Variants in PTPRD observed in about 807,000 individuals in gnomAD.
PTPRD encodes the protein receptor-type tyrosine-protein phosphatase delta.
PTPRD carries 34 observed loss-of-function variants against 214.5 expected under a neutral mutation model. The ratio of observed to expected loss-of-function variants is 0.16; its 90% confidence interval spans 0.12 to 0.21. The LOEUF (loss-of-function observed/expected upper bound fraction) is 0.21, where lower values mean the gene tolerates loss of function less well. Among genes scored for constraint, PTPRD ranks in the 10% least tolerant of loss-of-function variants. The probability of loss-of-function intolerance (pLI) is 1.00; values close to 1 mark genes in which losing one functional copy is unlikely to be tolerated. For missense variants in PTPRD, 2,545 were observed against 2,398.7 expected (o/e 1.06, Z -1.27); for synonymous variants, 1,128 against 845.7 (o/e 1.33, Z -5.79).
chr9:9,012,684 T>C (rs1366375737), intron 11 of PTPRD, among the ~76,000 whole-genome samples: 2 of 152,192 alleles, frequency 1.3e-5, no homozygotes, highest in Non-Finnish European at 2.9e-5. Flanking sequence ...GAAATTTTTT[T>C]ATCAAGTTCT....
At chr9:9,019,297 A>AAAGAAAGAAAGAAAGAAAGAAAGGAAGG (rs2099550981) in intron 10 of PTPRD, among the ~76,000 whole-genome samples, 2 of 55,120 alleles carry the variant, frequency 3.6e-5, no homozygotes, top group African/African-American at 1.4e-4. Context: ...AGAAAGAAAG[A>AAAGAAAGAAAGAAAGAAAGAAAGGAAGG]AAGAAAGAAA....
At chr9:9,929,762 G>A (rs146347269) in intron 5 of PTPRD, among the ~76,000 whole-genome samples, 252 of 152,302 alleles carry the variant, frequency 1.7e-3, no homozygotes, top group African/African-American at 5.9e-3. Flanking sequence ...AATGGAGGAT[G>A]TCCCTAGGAA....
intron 39 of PTPRD, among the ~76,000 whole-genome samples, chr9:8,362,067 TG>T (rs1268608020): frequency 3.3e-5 from 5 of 152,356 alleles, no homozygotes; most frequent in African/African-American, 1.2e-4. Flanking sequence ...TAGACCACCT[TG>T]GGAATTTGTA....
At chr9:8,459,364 C>T (rs1486301550) in intron 33 of PTPRD, among the ~76,000 whole-genome samples, 1 of 151,968 alleles carries the variant, frequency 6.6e-6, no homozygotes, top group Non-Finnish European at 1.5e-5. Context: ...CAAAATATAA[C>T]ACACCACAAG....
At chr9:9,426,170 G>A (rs137942604) in intron 8 of PTPRD, among the ~76,000 whole-genome samples, 4,865 of 152,232 alleles carry the variant, frequency 0.032, 177 homozygotes, top group African/African-American at 0.087. Flanking sequence ...AAGGGAAGCC[G>A]TGACAGACAG....
At chr9:9,879,736 C>G (rs1230389028) in intron 5 of PTPRD, among the ~76,000 whole-genome samples, 2 of 152,100 alleles carry the variant, frequency 1.3e-5, no homozygotes, top group African/African-American at 4.8e-5. Flanking sequence ...GAGATAAGAT[C>G]AGATCATCCC....
At position 9,102,600 on chromosome 9, in the gene PTPRD, C is replaced by G. The variant is rs1282146041; in HGVS notation, c.-143+80704G>C. On this transcript the variant is annotated intron_variant, in intron 10 of 45. Coordinates refer to ENST00000381196, the MANE Select transcript of PTPRD (RefSeq NM_002839.4). ...GAATTGGAGCTGAAAGATTCGCTTTCCCACCAGGGTGGCTGATTACGTAGA... is the reference window on the plus strand; with the variant it reads ...GAATTGGAGCTGAAAGATTCGCTTTGCCACCAGGGTGGCTGATTACGTAGA... Among the ~76,000 whole-genome samples, 6 of 152,340 alleles carry G rather than the reference C, an allele frequency of 3.9e-5. No individual in the cohort carries two copies. The East Asian group carries it at 1.2e-3, about 29-fold the overall frequency.
At chr9:8,720,872 G>T (rs976557031) in intron 12 of PTPRD, among the ~76,000 whole-genome samples, 23 of 151,968 alleles carry the variant, frequency 1.5e-4, no homozygotes, top group Non-Finnish European at 2.6e-4. Context: ...ATGCCCACTG[G>T]CATCTCTTGG....
chr9:8,640,106 T>C (rs1458995890), intron 12 of PTPRD, among the ~76,000 whole-genome samples: 1 of 152,118 alleles, frequency 6.6e-6, no homozygotes, highest in East Asian at 1.9e-4. Flanking sequence ...AATGTTTTTA[T>C]TATTTGTAGA....
At chr9:9,866,226 T>G (rs1216195369) in intron 5 of PTPRD, among the ~76,000 whole-genome samples, 6 of 152,250 alleles carry the variant, frequency 3.9e-5, no homozygotes, top group Non-Finnish European at 8.8e-5. Flanking sequence ...CTTTAGAATC[T>G]GCTATATATG....
At position 9,774,023 on chromosome 9, in the gene PTPRD, G is replaced by A. The variant is rs540790355; in HGVS notation, c.-367-7172C>T. Among the ~76,000 whole-genome samples, 282 of 152,298 alleles carry A rather than the reference G, an allele frequency of 1.9e-3. 8 individuals are homozygous for A. Among genetic ancestry groups the A allele is most frequent in the Middle Eastern group, 6.8e-3 (2 of 294 alleles). ...CCTATTCTACAAACATGAAAAATAG[G>A]CTGGACTCATGCAGGTAAGTGGACA... On this transcript the variant is annotated intron_variant, in intron 5 of 45. Transcript: ENST00000381196.
At chr9:10,032,507 T>G (rs2097101379) in intron 4 of PTPRD, among the ~76,000 whole-genome samples, 1 of 152,146 alleles carries the variant, frequency 6.6e-6, no homozygotes, top group South Asian at 2.1e-4. Context: ...ACAGTAATAT[T>G]CAGATGAGAT....
At chr9:8,520,720 C>T (rs911147506) in intron 20 of PTPRD, among the ~76,000 whole-genome samples, 1 of 152,052 alleles carries the variant, frequency 6.6e-6, no homozygotes, top group African/African-American at 2.4e-5. Context: ...AAAGAATATT[C>T]CTTGAGCACT....
chr9:8,778,721 G>C (rs181533900), intron 11 of PTPRD, among the ~76,000 whole-genome samples: 1 of 152,140 alleles, frequency 6.6e-6, no homozygotes, highest in Non-Finnish European at 1.5e-5. Flanking sequence ...ACTGAAACTA[G>C]GAGGCCATGG....
intron 10 of PTPRD, among the ~76,000 whole-genome samples, chr9:9,067,755 C>G (rs2099737180): frequency 6.6e-6 from 1 of 152,166 alleles, no homozygotes; most frequent in Admixed American, 6.5e-5. Flanking sequence ...ACCTGTAACA[C>G]AATCTCAGAA....
At chr9:10,588,710 T>C (rs2074605812) in intron 2 of PTPRD, among the ~76,000 whole-genome samples, 2 of 152,122 alleles carry the variant, frequency 1.3e-5, no homozygotes, top group South Asian at 2.1e-4. Context: ...TGATATTCTC[T>C]AAACAAGGGT....
At chr9:9,920,077 T>G (rs1050132370) in intron 5 of PTPRD, among the ~76,000 whole-genome samples, 16 of 152,138 alleles carry the variant, frequency 1.1e-4, no homozygotes, top group African/African-American at 3.6e-4. Context: ...ATTTTCAAAT[T>G]TCTTAGACAT....
chr9:9,655,756 T>C (rs1022684306), intron 7 of PTPRD, among the ~76,000 whole-genome samples: 1 of 151,596 alleles, frequency 6.6e-6, no homozygotes, highest in African/African-American at 2.4e-5. Flanking sequence ...GGCGGGCAGA[T>C]CACCTGAGGT....
At chr9:8,920,506 C>T (rs1174052120) in intron 11 of PTPRD, among the ~76,000 whole-genome samples, 1 of 152,166 alleles carries the variant, frequency 6.6e-6, no homozygotes, top group East Asian at 1.9e-4. Context: ...AATCTTTTGG[C>T]TTCCCTGGGC....
Sources: gnomAD v4.1 joint callset for allele counts (sites outside exome capture counted in the v4.1 genomes callset) on GRCh38, gnomAD v4.1.1 for gene constraint, MANE v1.5 for transcripts, NCBI Gene and HGNC (gene_info 2026-07-23, HGNC 2026-07-21) for gene names.